The following FAT2 variants were observed in gnomAD, a reference collection of about 807,000 sequenced individuals.
The protein encoded by FAT2 is protocadherin Fat 2.
In FAT2, 150 loss-of-function variants were observed where a neutral mutation model predicts 295.3. That is an observed-to-expected ratio of 0.51 (90% CI 0.44 to 0.58). The LOEUF is 0.58. Among genes scored for constraint, FAT2 ranks in the 20% least tolerant of loss-of-function variants. FAT2 has a pLI of 0.00. For missense variants in FAT2, 4,868 were observed against 5,442.7 expected (o/e 0.89, Z 3.32); for synonymous variants, 2,026 against 2,150.3 (o/e 0.94, Z 1.60).
At position 151,531,547 on chromosome 5, in the gene FAT2, T is replaced by C. The variant is rs1190258650; in HGVS notation, c.9811+40A>G. 8 of 1,608,938 alleles carry C rather than the reference T, an allele frequency of 5.0e-6. No homozygotes were observed. The highest frequency in any genetic ancestry group is 6.8e-6 in the Non-Finnish European group (8 of 1,178,184). On this transcript the variant is annotated intron_variant, in intron 14 of 23. Coordinates refer to ENST00000261800, the MANE Select transcript of FAT2 (RefSeq NM_001447.3). The surrounding 1 kb of genome is among the most constrained non-coding windows in gnomAD (Gnocchi z 5.7). ...AGGAACCCAGCGCTCCCAGAAACCC[T>C]GTACGCGATGCTTTGGGGCTTGGTG...
chr5:151,513,221 A>G (rs1015281860), intron 20 of FAT2, among the ~76,000 whole-genome samples: 1 of 152,234 alleles, frequency 6.6e-6, no homozygotes, highest in Non-Finnish European at 1.5e-5. Context: ...GCAAAAATGT[A>G]AAACAATGCC....
rs1297908289 is a variant in FAT2 at position 151,544,666 on chromosome 5, T to G, written c.6461A>C (p.Gln2154Pro). ...AGTGACAAGTACCTCTTCCTCACTC[T>G]GGAGGGATGGCGTTCCTCCATCCCG... ...IARDGGTPSL[Q>P]SEEEVLVTVR... The change falls in exon 10 of 24, where the codon CAG becomes CCG. Residue 2154 changes from glutamine to proline, a missense_variant. This residue lies in a region of FAT2 where 3,297 missense variants were observed against 3,669.4 expected (regional missense o/e 0.90). Transcript: ENST00000261800. 2 of 1,614,062 alleles carry G rather than the reference T, an allele frequency of 1.2e-6. No individual in the cohort carries two copies. The highest frequency in any genetic ancestry group is 2.7e-5 in the African/African-American group (2 of 74,916).
At position 151,521,547 on chromosome 5, in the gene FAT2, C is replaced by T. The variant is rs368274006; in HGVS notation, c.11046G>A (p.Val3682=). The T allele has an allele frequency of 6.2e-7, 1 of 1,614,216 alleles. No homozygotes were observed. The highest frequency in any genetic ancestry group is 1.3e-5 in the African/African-American group (1 of 75,054). The change falls in exon 19 of 24, where the codon GTG becomes GTA. Residue 3682 remains valine, a synonymous_variant. Coordinates refer to ENST00000261800, the MANE Select transcript of FAT2 (RefSeq NM_001447.3). ...QPAEAVAGVD[V]LLVFEGHSGT... Reference sequence around the variant, plus strand: ...CAGAATGCCCCTCAAAGACCAGGAGCACATCCACACCAGCCACGGCCTCTG... The same window carrying T: ...CAGAATGCCCCTCAAAGACCAGGAGTACATCCACACCAGCCACGGCCTCTG...
chr5:151,522,871 G>A (rs975323132), intron 18 of FAT2, among the ~76,000 whole-genome samples: 3 of 152,196 alleles, frequency 2.0e-5, no homozygotes, highest in African/African-American at 7.2e-5. Flanking sequence ...GGGCTGGCAC[G>A]CGCAGGGTTG....
chr5:151,507,538 C>T lies in FAT2; in HGVS notation c.12133G>A (p.Gly4045Arg), dbSNP rs1760988901. The change falls in exon 23 of 24, where the codon GGG becomes AGG. Residue 4045 changes from glycine to arginine, a missense_variant. Physicochemically the swap from Gly to Arg is moderately radical, Grantham distance 125. Transcript: ENST00000261800. The stretch of plus-strand genomic sequence containing the variant: ...GTGATGATCAGTAACTCCTGCTGCC[C>T]CCAGTCCCCCCTTTGGATCTCGGGA... Reference protein sequence around the residue: ...VTPEIQRGDWGQQELLIITVA... With the variant: ...VTPEIQRGDWRQQELLIITVA... 1.2e-6 allele frequency: 2 copies of T among 1,614,060 alleles called. No homozygotes were observed. The highest frequency in any genetic ancestry group is 1.7e-6 in the Non-Finnish European group (2 of 1,180,008).
chr5:151,539,480 G>A (rs1755879177), intron 11 of FAT2, among the ~76,000 whole-genome samples: 1 of 152,218 alleles, frequency 6.6e-6, no homozygotes, highest in African/African-American at 2.4e-5. Flanking sequence ...ATAGGTATAT[G>A]CTTATATGTT....
intron 19 of FAT2, among the ~76,000 whole-genome samples, chr5:151,518,525 C>A (rs1186254944): frequency 6.6e-6 from 1 of 152,054 alleles, no homozygotes; most frequent in African/African-American, 2.4e-5. Flanking sequence ...TGATTTTAGA[C>A]CCACAAGGGT....
chr5:151,590,404 A>T (rs1456656615), intron 1 of FAT2, among the ~76,000 whole-genome samples: 2 of 152,162 alleles, frequency 1.3e-5, no homozygotes, highest in African/African-American at 4.8e-5. Flanking sequence ...CTGAGAACTG[A>T]ACTCTAGCCC....
intron 1 of FAT2, among the ~76,000 whole-genome samples, chr5:151,579,414 AT>A (rs1247115311): frequency 6.6e-6 from 1 of 152,116 alleles, no homozygotes; most frequent in Non-Finnish European, 1.5e-5. Flanking sequence ...TCTACAAAAC[AT>A]TTAAAAATTA....
intron 12 of FAT2, among the ~76,000 whole-genome samples, chr5:151,537,464 A>G (rs200113210): frequency 6.7e-6 from 1 of 149,146 alleles, no homozygotes; most frequent in African/African-American, 2.6e-5. Flanking sequence ...GGAGGGAAGG[A>G]AAGGAGAAAC....
At chr5:151,556,572 T>G (rs1757709527) in intron 3 of FAT2, among the ~76,000 whole-genome samples, 170 bp from the exon 4 acceptor site, 1 of 152,242 alleles carries the variant, frequency 6.6e-6, no homozygotes, top group Non-Finnish European at 1.5e-5. Flanking sequence ...TTTCCTACTT[T>G]ATCATGGTGT....
rs149549832 is a variant in FAT2 at position 151,543,047 on chromosome 5, G to A, written c.8080C>T (p.Pro2694Ser). Residue 2694 changes from proline to serine, a missense_variant, in exon 10 of 24, where the codon CCT becomes TCT. Physicochemically the swap from Pro to Ser is moderately conservative, Grantham distance 74. Transcript: ENST00000261800. ...TCAGGTGCAGAGAAAGTATACAAAG[G>A]TTCAGAAAATTTCGGTAAGGATACT... is the stretch of plus-strand genomic sequence containing the variant. ...KKVSLPKFSEPLYTFSAPEDL... is the reference protein window; with the variant it reads ...KKVSLPKFSESLYTFSAPEDL... 26 of 1,614,066 alleles carry A rather than the reference G, an allele frequency of 1.6e-5. No individual in the cohort carries two copies. The highest frequency in any genetic ancestry group is 1.0e-4 in the Admixed American group (6 of 59,998).
At chr5:151,556,254 TC>T in intron 4 of FAT2, 89 bp downstream of exon 4, 1 of 1,088,510 alleles carries the variant, frequency 9.2e-7, no homozygotes, top group Non-Finnish European at 1.4e-6. Flanking sequence ...ACCCAGACCC[TC>T]CTCAGCCACA....
At chr5:151,515,071 C>T (rs941198200) in intron 20 of FAT2, among the ~76,000 whole-genome samples, 2 of 152,132 alleles carry the variant, frequency 1.3e-5, no homozygotes, top group Non-Finnish European at 2.9e-5. Context: ...TCACCCCAAC[C>T]CACCATACAC....
chr5:151,568,790 G>C lies in FAT2; in HGVS notation c.142C>G (p.Pro48Ala), dbSNP rs745727798. 6.2e-7 allele frequency: 1 copy of C among 1,614,166 alleles called. No homozygotes were observed. Among genetic ancestry groups the C allele is most frequent in the South Asian group, 1.1e-5 (1 of 91,076 alleles). The change falls in exon 2 of 24, where the codon CCC becomes GCC. Residue 48 changes from proline to alanine, a missense_variant. By Grantham distance (27) the Pro-to-Ala change is conservative. This residue lies in a region of FAT2 where 3,297 missense variants were observed against 3,669.4 expected (regional missense o/e 0.90). Transcript: ENST00000261800. ...YNATIYENSS[P>A]KTYVESFEKM... ...TCGAAGCTCTCCACATAGGTCTTGG[G>C]AGAAGAATTTTCATAGATGGTGGCA...
chr5:151,546,234 C>G lies in FAT2; in HGVS notation c.4893G>C (p.Lys1631Asn), dbSNP rs1002722454. The G allele has an allele frequency of 6.2e-7, 1 of 1,614,134 alleles. No homozygotes were observed. ...ATTGTGGGGAGCCTTGATCTTCTGC[C>G]TTCACTGTCAGAGTATGTGGGGCAT... ...ANHAPHTLTV[K>N]AEDQGSPQWH... is the part of the protein sequence containing the mutation. Residue 1631 changes from lysine to asparagine, a missense_variant, in exon 10 of 24, where the codon AAG becomes AAC. Lys to Asn is a moderately conservative substitution (Grantham distance 94, BLOSUM62 0). Around this residue, in one of 5 missense-constraint regions of FAT2, gnomAD observed 3,297 missense variants for 3,669.4 expected, o/e 0.90. Transcript: ENST00000261800.
intron 1 of FAT2, among the ~76,000 whole-genome samples, chr5:151,586,104 C>A (rs1054978838): frequency 6.6e-6 from 1 of 152,226 alleles, no homozygotes; most frequent in Non-Finnish European, 1.5e-5. Flanking sequence ...CACCATTGAG[C>A]CTTGCATTTG....
intron 11 of FAT2, among the ~76,000 whole-genome samples, chr5:151,539,145 T>A (rs1042601713): frequency 7.9e-5 from 12 of 152,246 alleles, no homozygotes; most frequent in African/African-American, 2.6e-4. Context: ...GTGACCACCA[T>A]TCTCCCCAAA....
At position 151,567,474 on chromosome 5, in the gene FAT2, A is replaced by G; in HGVS notation, c.1458T>C (p.Asp486=). The G allele has an allele frequency of 6.2e-7, 1 of 1,614,134 alleles. No individual in the cohort carries two copies. The highest frequency in any genetic ancestry group is 1.3e-5 in the African/African-American group (1 of 75,044). ...AGGTGACATATCCATTTTCCCCATG[A>G]TCCCGGTCAGTGGCAGTCACAGCCA... The part of the protein sequence containing the change: ...SVLAVTATDR[D]HGENGYVTYS... Residue 486 remains aspartate, a synonymous_variant, in exon 2 of 24, where the codon GAT becomes GAC. Coordinates refer to ENST00000261800, the MANE Select transcript of FAT2 (RefSeq NM_001447.3).
Sources: allele counts gnomAD v4.1 joint callset (sites outside exome capture counted in the v4.1 genomes callset), GRCh38; gene constraint gnomAD v4.1.1; regional missense constraint gnomAD v4.1.1; non-coding constraint Gnocchi (gnomAD v3.1); transcripts MANE v1.5; gene names NCBI Gene and HGNC (gene_info 2026-07-23, HGNC 2026-07-21).